TSC2: variants seen among roughly 807,000 people sequenced by gnomAD.
The protein encoded by TSC2 is tuberin.
A neutral mutation model predicts 202.2 loss-of-function variants in TSC2; 29 were observed. The observed-to-expected ratio is 0.14, with a 90% confidence interval of 0.11 to 0.20. TSC2 has a LOEUF of 0.20. Among genes scored for constraint, TSC2 ranks in the 10% least tolerant of loss-of-function variants. TSC2 has a pLI of 1.00. For synonymous variants in TSC2, 1,349 were observed against 1,044.0 expected (o/e 1.29, Z -5.63); for missense variants, 2,429 against 2,420.0 (o/e 1.00, Z -0.08).
intron 24 of TSC2, 113 bp from the exon 25 acceptor site, chr16:2,076,377 CG>C: frequency 6.3e-7 from 1 of 1,580,286 alleles, no homozygotes; most frequent in Non-Finnish European, 8.6e-7. Context: ...TGGGTGCCGC[CG>C]CCTTGCCCCT....
Position 2,055,389 on chromosome 16 carries a change from G to T in TSC2, c.482-13G>T. ...TTCGGCGTCCTCGCAAACTGCCGCC[G>T]CTTCTCCCCCAGCTGACTTTGTCCT... On this transcript the variant is annotated splice_polypyrimidine_tract_variant and intron_variant, in intron 5 of 41. Transcript: ENST00000219476. The T allele has an allele frequency of 3.1e-6, 5 of 1,611,706 alleles. No homozygotes were observed. Among genetic ancestry groups the T allele is most frequent in the Non-Finnish European group, 4.2e-6 (5 of 1,177,954 alleles).
chr16:2,074,103 G>T, intron 21 of TSC2, 97 bp from the exon 22 acceptor site: 1 of 1,516,388 alleles, frequency 6.6e-7, no homozygotes, highest in South Asian at 1.1e-5. Flanking sequence ...GCTAAGCCTC[G>T]GCTGTTCTCC....
At chr16:2,073,211 C>G (rs373442362) in intron 21 of TSC2, among the ~76,000 whole-genome samples, 6 of 152,342 alleles carry the variant, frequency 3.9e-5, no homozygotes, top group South Asian at 4.1e-4. Context: ...TCCCTGTCCA[C>G]CCCGGACAGC....
chr16:2,061,047 G>A (rs1567425033), intron 11 of TSC2: 25 of 582,028 alleles, frequency 4.3e-5, no homozygotes, highest in Non-Finnish European at 6.3e-5. Context: ...TAGGTGAGCC[G>A]GGGCTGGGCC....
chr16:2,080,609 G>A (rs1037218131), intron 30 of TSC2: 10 of 557,264 alleles, frequency 1.8e-5, no homozygotes, highest in East Asian at 3.2e-5. Context: ...TCAGCCTCCC[G>A]AGTAGCTGGG....
chr16:2,087,492 G>T (rs892006875), intron 38 of TSC2, among the ~76,000 whole-genome samples: 27 of 152,048 alleles, frequency 1.8e-4, no homozygotes, highest in Admixed American at 1.2e-3. Context: ...AGTTGGGGGG[G>T]GGGGGGCACC....
At chr16:2,071,457 G>A (rs2151294764) in intron 17 of TSC2, 53 bp from the exon 18 acceptor site, 2 of 1,604,578 alleles carry the variant, frequency 1.2e-6, no homozygotes, top group Non-Finnish European at 8.5e-7. Flanking sequence ...GACGCCGCCT[G>A]TCCTGGGCCT....
In TSC2 at chr16:2,060,644, G is replaced by T. The variant is rs202162577; in HGVS notation, c.976-26G>T. On this transcript the variant is annotated intron_variant, in intron 10 of 41. Transcript: ENST00000219476. ...ACAGCAAGCAAGCAGCTCTGACCCT[G>T]TGTGCTGGCCGGGCTCGTGTTCCAG... The T allele has an allele frequency of 3.0e-5, 49 of 1,613,912 alleles. No homozygotes were observed. The African/African-American group carries it at 5.5e-4, about 18-fold the overall frequency.
At chr16:2,082,342 C>CG in intron 31 of TSC2, 94 bp from the exon 32 acceptor site, 1 of 1,464,194 alleles carries the variant, frequency 6.8e-7, no homozygotes, top group Non-Finnish European at 9.5e-7. Flanking sequence ...GCCCTGCCCT[C>CG]TCTCCTCTGC....
intron 10 of TSC2, among the ~76,000 whole-genome samples, chr16:2,059,819 A>T (rs2086409102): frequency 6.6e-6 from 1 of 151,964 alleles, no homozygotes; most frequent in African/African-American, 2.4e-5. Context: ...GTGCCCGGCC[A>T]AGGCTAATGT....
rs45517376 is a variant in TSC2, at chr16:2,086,713, C to T, written c.4850-19C>T. 72 of 1,608,172 alleles carry T rather than the reference C, an allele frequency of 4.5e-5. No individual in the cohort carries two copies. Among genetic ancestry groups the T allele is most frequent in the South Asian group, 5.5e-5 (5 of 90,992 alleles). On this transcript the variant is annotated intron_variant, in intron 37 of 41. Transcript: ENST00000219476. ...TCAGCACTGGCCCCACAAACCCATCCGGCCCTGCTCACCCTCAGCCGTCTT... is the reference window on the plus strand; with the variant it reads ...TCAGCACTGGCCCCACAAACCCATCTGGCCCTGCTCACCCTCAGCCGTCTT...
intron 5 of TSC2, 170 bp from the exon 6 acceptor site, chr16:2,055,232 C>T (rs1180021621): frequency 3.1e-5 from 22 of 698,510 alleles, no homozygotes; most frequent in Non-Finnish European, 5.7e-5. Context: ...GCCCTGGGCT[C>T]CCCTGAGCCT....
intron 4 of TSC2, 83 bp downstream of exon 4, chr16:2,053,535 C>T: frequency 7.3e-7 from 1 of 1,370,196 alleles, no homozygotes; most frequent in East Asian, 2.5e-5. Context: ...GTTTGGACTC[C>T]TGCCTCGGTG....
chr16:2,084,814 C>G, intron 34 of TSC2, 99 bp downstream of exon 34: 1 of 1,599,046 alleles, frequency 6.3e-7, no homozygotes, highest in East Asian at 2.2e-5. Context: ...GGGGTCCTCG[C>G]CTGTGCCCTA....
At chr16:2,064,835 C>T (rs571639537) in intron 15 of TSC2, 4 of 306,258 alleles carry the variant, frequency 1.3e-5, no homozygotes, top group Admixed American at 9.4e-5. Flanking sequence ...AGATGAAGGC[C>T]GGGCACAGTG....
At chr16:2,072,089 C>G (rs2088518335) in intron 19 of TSC2, 152 bp from the exon 20 acceptor site, 1 of 1,503,896 alleles carries the variant, frequency 6.6e-7, no homozygotes, top group Non-Finnish European at 8.9e-7. Flanking sequence ...GCTGCAGGGA[C>G]AGAGGCCTGC....
At chr16:2,064,138 C>G in intron 14 of TSC2, 134 bp from the exon 15 acceptor site, 1 of 1,431,824 alleles carries the variant, frequency 7.0e-7, no homozygotes, top group East Asian at 2.3e-5. Context: ...GGTGCTTGTG[C>G]TCTCTGCCCA....
chr16:2,078,122 A>G (rs2089657669), intron 26 of TSC2: 1 of 302,968 alleles, frequency 3.3e-6, no homozygotes, highest in Admixed American at 4.7e-5. Flanking sequence ...TGTAGCTGAA[A>G]GGGAACAAGG....
chr16:2,077,102 G>A (rs1470218624), intron 25 of TSC2, among the ~76,000 whole-genome samples: 1 of 152,268 alleles, frequency 6.6e-6, no homozygotes, highest in Non-Finnish European at 1.5e-5. Flanking sequence ...CTCGGAAGCT[G>A]TTGTCTCCAG....
Sources: gnomAD v4.1 joint callset for allele counts (sites outside exome capture counted in the v4.1 genomes callset) on GRCh38, gnomAD v4.1.1 for gene constraint, MANE v1.5 for transcripts, NCBI Gene and HGNC (gene_info 2026-07-23, HGNC 2026-07-21) for gene names.